TRIM39: variants seen among roughly 807,000 people sequenced by gnomAD.
The protein encoded by TRIM39 is E3 ubiquitin-protein ligase TRIM39.
A neutral mutation model predicts 53.6 loss-of-function variants in TRIM39; 5 were observed. The ratio of observed to expected loss-of-function variants is 0.09; its 90% CI spans 0.05 to 0.20. TRIM39 has a LOEUF of 0.20. Ranked by LOEUF, TRIM39 falls within the 10% of genes least tolerant of loss-of-function variation. TRIM39 has a pLI of 1.00. For missense variants in TRIM39, 310 were observed against 621.0 expected (o/e 0.50, Z 5.32); for synonymous variants, 196 against 237.6 (o/e 0.82, Z 1.61).
rs1305126378 is a variant in TRIM39 at position 30,342,848 on chromosome 6, G to A, written c.*589G>A. 2 of 152,936 alleles carry A rather than the reference G, an allele frequency of 1.3e-5. No homozygotes were observed. The highest frequency in any genetic ancestry group is 4.8e-5 in the African/African-American group (2 of 41,452). 9.5% of individuals were successfully genotyped at this position (152,936 alleles called of 1,614,324 possible). Reference sequence around the variant, plus strand: ...CAGATTCCTAGAGATTAATGAAGAGGAGGGAGGTTTCTTTGGTCTTCTATT... The same window carrying A: ...CAGATTCCTAGAGATTAATGAAGAGAAGGGAGGTTTCTTTGGTCTTCTATT... On this transcript the variant is annotated 3_prime_UTR_variant, in exon 8 of 8. Coordinates refer to ENST00000396551, the Ensembl canonical transcript of TRIM39. This position sits in a 1 kb window ranked among gnomAD's most constrained non-coding sequence, Gnocchi z 4.7.
At chr6:30,329,574 G>A (rs2127386306) in exon 3 of TRIM39, 1 of 1,613,144 alleles carries the variant, frequency 6.2e-7, no homozygotes. Flanking sequence ...CAACTAGGCA[G>A]TATGGTGGAA....
At chr6:30,340,003 G>A (rs374065493) in intron 6 of TRIM39, 73 bp downstream of exon 6, 1 of 1,610,694 alleles carries the variant, frequency 6.2e-7, no homozygotes, top group African/African-American at 1.3e-5. Context: ...CAGGAGTTTG[G>A]GTTGGGGGTG....
At chr6:30,337,658 A>G (rs914801452) in intron 5 of TRIM39, among the ~76,000 whole-genome samples, 16 of 152,242 alleles carry the variant, frequency 1.1e-4, no homozygotes, top group African/African-American at 3.9e-4. Context: ...TAGATTTAGC[A>G]TAATTCTTAA....
rs553101050 is a variant in TRIM39 at position 30,336,903 on chromosome 6, A to G, written c.780+928A>G. ...AAAAATCACTATTTATAGCAGCTTT[A>G]TGAAATACATTTATTAAGACTTGAA... On this transcript the variant is annotated intron_variant, in intron 5 of 7. Transcript: ENST00000396551. 7.2e-5 allele frequency among the ~76,000 whole-genome samples: 11 copies of G among 152,346 alleles called. No individual in the cohort carries two copies. The South Asian group carries it at 2.1e-3, about 29-fold the overall frequency.
At chr6:30,331,297 A>AAAAAAG (rs1562406038) in intron 4 of TRIM39, among the ~76,000 whole-genome samples, 3 of 150,086 alleles carry the variant, frequency 2.0e-5, no homozygotes, top group Non-Finnish European at 3.0e-5. Context: ...AACAAAAAAA[A>AAAAAAG]AAAGAACAAT....
rs775785915 is a variant in TRIM39 at position 30,335,760 on chromosome 6, C to T, written c.565C>T (p.Arg189Cys). 4 of 1,612,788 alleles carry T rather than the reference C, an allele frequency of 2.5e-6. No homozygotes were observed. In the African/African-American group the frequency reaches 4.0e-5, roughly 16 times the overall value. The stretch of plus-strand genomic sequence containing the variant: ...CTCTTCTCAGAGACTAGTGGAAAGT[C>T]GCCGACAGCAGATCTTGAGGGAGTT... The change falls in exon 5 of 8, where the codon CGC becomes TGC. Residue 189 changes from arginine (R) to cysteine (C), a missense_variant. By Grantham distance (180) the Arg-to-Cys change is radical. Around this residue, in one of 5 missense-constraint regions of TRIM39, gnomAD observed 161 missense variants for 210.0 expected, o/e 0.77. Coordinates refer to ENST00000396551, the Ensembl canonical transcript of TRIM39. This position sits in a 1 kb window ranked among gnomAD's most constrained non-coding sequence, Gnocchi z 4.7.
exon 8 of TRIM39, chr6:30,343,463 G>A (rs1787771734): frequency 6.6e-6 from 1 of 152,590 alleles, no homozygotes; most frequent in African/African-American, 2.4e-5. Context: ...ACAACTTATA[G>A]GGTACATATG....
chr6:30,338,032 C>G lies in TRIM39; in HGVS notation c.781-1876C>G, dbSNP rs981385163. Among the ~76,000 whole-genome samples the G allele has an allele frequency of 2.0e-5, 3 of 152,194 alleles. No individual in the cohort carries two copies. The highest frequency in any genetic ancestry group is 2.9e-5 in the Non-Finnish European group (2 of 68,040). ...AACTTTTCTTCTGCAGCTTCCTTAC[C>G]TCTCTCAGCTTTCATAGAACTGAAG... On this transcript the variant is annotated intron_variant, in intron 5 of 7. Transcript: ENST00000396551. This position sits in a 1 kb window ranked among gnomAD's most constrained non-coding sequence, Gnocchi z 4.0.
At chr6:30,329,126 T>G (rs1308954656) in intron 2 of TRIM39, 85 bp downstream of exon 2, 8 of 704,398 alleles carry the variant, frequency 1.1e-5, no homozygotes, top group South Asian at 2.3e-5. Context: ...GTCACAAGTT[T>G]TGAAAATGGA....
rs1398275478 is a variant in TRIM39, at chr6:30,338,632, G to A, written c.781-1276G>A. Among the ~76,000 whole-genome samples the A allele has an allele frequency of 6.7e-6, 1 of 150,146 alleles. No individual in the cohort carries two copies. Among genetic ancestry groups the A allele is most frequent in the Admixed American group, 6.7e-5 (1 of 14,948 alleles). On this transcript the variant is annotated intron_variant, in intron 5 of 7. Coordinates refer to ENST00000396551, the Ensembl canonical transcript of TRIM39. The surrounding 1 kb of genome is among the most constrained non-coding windows in gnomAD (Gnocchi z 4.0). ...TAATAATGAAAAAGTGTGAAATATT[G>A]TGAGAATTACCAAAATGTGACACAG...
In TRIM39 at chr6:30,340,176, A is replaced by G. The variant is rs961068984; in HGVS notation, c.803+246A>G. 15 of 1,177,746 alleles carry G rather than the reference A, an allele frequency of 1.3e-5. No homozygotes were observed. The African/African-American group carries it at 2.0e-4, about 15-fold the overall frequency. The allele number at this position is 1,177,746 out of a possible 1,614,324, so 73.0% of individuals were successfully genotyped here. Reference sequence around the variant, plus strand: ...GAATGATAAGGTAGAATCAGATTCTACTTGTGCCAGTGGGTGGAATTGTGT... The same window carrying G: ...GAATGATAAGGTAGAATCAGATTCTGCTTGTGCCAGTGGGTGGAATTGTGT... On this transcript the variant is annotated intron_variant, in intron 6 of 7. Coordinates refer to ENST00000396551, the Ensembl canonical transcript of TRIM39.
At chr6:30,329,241 C>CA (rs200072323) in intron 2 of TRIM39, 70 bp from the exon 3 acceptor site, 232,374 of 1,313,410 alleles carry the variant, frequency 0.18, 2,719 homozygotes, top group East Asian at 0.31. Context: ...GTCAGGGATG[C>CA]AAAAAAAAAA....
At chr6:30,330,387 ATGTTTTTAT>A (rs1785996614) in intron 3 of TRIM39, among the ~76,000 whole-genome samples, 1 of 152,228 alleles carries the variant, frequency 6.6e-6, no homozygotes, top group Non-Finnish European at 1.5e-5. Context: ...TATAATAACC[ATGTTTTTAT>A]TGTAGGTGGA....
exon 3 of TRIM39, chr6:30,329,615 A>AAGATCC: frequency 1.2e-6 from 2 of 1,613,086 alleles, no homozygotes; most frequent in Non-Finnish European, 1.7e-6. Context: ...CGTCAAGCGG[A>AAGATCC]AGATCCGGGA....
rs760369976 is a variant in TRIM39, at chr6:30,340,463, C to T, written c.804-42C>T. 3.7e-6 allele frequency: 6 copies of T among 1,612,358 alleles called. No homozygotes were observed. In the Admixed American group the frequency reaches 1.0e-4, roughly 27 times the overall value. ...ATAGTCACTTGGCTGGAGCTTCTCC[C>T]TAACCCTGCCCTTTCTTCCCCTATC... On this transcript the variant is annotated intron_variant, in intron 6 of 7. Coordinates refer to ENST00000396551, the Ensembl canonical transcript of TRIM39.
intron 6 of TRIM39, 121 bp downstream of exon 6, chr6:30,340,051 TG>T (rs763737764): frequency 1.1e-4 from 157 of 1,468,258 alleles, no homozygotes; most frequent in Non-Finnish European, 1.4e-4. Context: ...GGGCAGGGTA[TG>T]GGAGAATGTT....
chr6:30,335,664 T>C lies in TRIM39; in HGVS notation c.550-81T>C. The C allele has an allele frequency of 1.3e-6, 2 of 1,490,446 alleles. No individual in the cohort carries two copies. Among genetic ancestry groups the C allele is most frequent in the Non-Finnish European group, 1.8e-6 (2 of 1,112,312 alleles). 92.3% of individuals were successfully genotyped at this position (1,490,446 alleles called of 1,614,324 possible). On this transcript the variant is annotated intron_variant, in intron 4 of 7. Coordinates refer to ENST00000396551, the Ensembl canonical transcript of TRIM39. The surrounding 1 kb of genome is among the most constrained non-coding windows in gnomAD (Gnocchi z 4.7). ...CAATGAAACTGGAAGTCTGTGTTAA[T>C]TCATACATATGGTGGGTGAGAGAAA... is the stretch of plus-strand genomic sequence containing the variant.
rs749569750 is a variant in TRIM39 at position 30,335,928 on chromosome 6, G to A, written c.733G>A (p.Ala245Thr). 6.2e-7 allele frequency: 1 copy of A among 1,612,824 alleles called. No individual in the cohort carries two copies. Among genetic ancestry groups the A allele is most frequent in the Non-Finnish European group, 8.5e-7 (1 of 1,180,024 alleles). The change falls in exon 5 of 8, where the codon GCC becomes ACC. Residue 245 changes from alanine (A) to threonine (T), a missense_variant. Transcript: ENST00000396551. This position sits in a 1 kb window ranked among gnomAD's most constrained non-coding sequence, Gnocchi z 4.7. Reference sequence around the variant, plus strand: ...GCGCCGGGACCTGGCCCACTTGGCTGCCGAGGTGGAGGGCAAGTGCTTACA... The same window carrying A: ...GCGCCGGGACCTGGCCCACTTGGCTACCGAGGTGGAGGGCAAGTGCTTACA...
intron 4 of TRIM39, among the ~76,000 whole-genome samples, chr6:30,333,450 C>T (rs1242715337): frequency 1.5e-4 from 22 of 150,560 alleles, no homozygotes; most frequent in Admixed American, 4.0e-4. Flanking sequence ...CTCTGCCTCC[C>T]GGGTTCATGC....
Sources: allele counts gnomAD v4.1 joint callset (sites outside exome capture counted in the v4.1 genomes callset), GRCh38; gene constraint gnomAD v4.1.1; regional missense constraint gnomAD v4.1.1; non-coding constraint Gnocchi (gnomAD v3.1); transcripts MANE v1.5; gene names NCBI Gene and HGNC (gene_info 2026-07-23, HGNC 2026-07-21).